The following CCDC88C variants were observed in gnomAD, a reference collection of about 807,000 sequenced individuals.
The protein encoded by CCDC88C is protein Daple.
A neutral mutation model predicts 198.8 loss-of-function variants in CCDC88C; 131 were observed. That is an observed-to-expected ratio of 0.66 (90% confidence interval 0.57 to 0.76). The LOEUF is 0.76. Ranked by LOEUF, CCDC88C falls within the 30% of genes least tolerant of loss-of-function variation. The pLI is 0.00. For synonymous variants in CCDC88C, 1,166 were observed against 1,114.7 expected (o/e 1.05, Z -0.92); for missense variants, 2,553 against 2,631.6 (o/e 0.97, Z 0.65).
Position 91,381,249 on chromosome 14 carries a change from C to T in CCDC88C, c.271-21538G>A, listed in dbSNP as rs1383197110. ...GCTTGTCCTCTGAAGGAGACTGTGACCCACCAGACCCCTCACACATGCCCG... is the reference window on the plus strand; with the variant it reads ...GCTTGTCCTCTGAAGGAGACTGTGATCCACCAGACCCCTCACACATGCCCG... On this transcript the variant is annotated intron_variant, in intron 3 of 29. Transcript: ENST00000389857. This position sits in a 1 kb window ranked among gnomAD's most constrained non-coding sequence, Gnocchi z 4.2. Among the ~76,000 whole-genome samples, 3 of 152,106 alleles carry T rather than the reference C, an allele frequency of 2.0e-5. No individual in the cohort carries two copies. The highest frequency in any genetic ancestry group is 2.0e-4 in the Admixed American group (3 of 15,270).
intron 21 of CCDC88C, among the ~76,000 whole-genome samples, chr14:91,298,072 C>T (rs1828958388): frequency 6.6e-6 from 1 of 152,196 alleles, no homozygotes; most frequent in Non-Finnish European, 1.5e-5. Flanking sequence ...AAGCTCATTA[C>T]CAGGGTCTTG....
rs575913430 is a variant in CCDC88C at position 91,278,282 on chromosome 14, C to T, written c.4769-71G>A. On this transcript the variant is annotated intron_variant, in intron 28 of 29. Transcript: ENST00000389857. Reference sequence around the variant, plus strand: ...GCCCTCTGGTGGCTTCTAGAGGCTTCGTGCTGCCTTTGCCCACTTCAAACT... The same window carrying T: ...GCCCTCTGGTGGCTTCTAGAGGCTTTGTGCTGCCTTTGCCCACTTCAAACT... The T allele has an allele frequency of 5.0e-4, 718 of 1,427,936 alleles. 10 individuals are homozygous for T. In the South Asian group the frequency reaches 7.1e-3, roughly 14 times the overall value. The allele number at this position is 1,427,936 out of a possible 1,614,324, so 88.5% of individuals were successfully genotyped here.
chr14:91,340,086 A>G (rs1273033651), intron 6 of CCDC88C, 62 bp from the exon 7 acceptor site: 1 of 1,577,048 alleles, frequency 6.3e-7, no homozygotes, highest in Non-Finnish European at 8.6e-7. Flanking sequence ...CTTCCCTCAC[A>G]CTGCAAACAG....
At chr14:91,277,861 T>C (rs1194470453) in intron 29 of CCDC88C, 61 bp downstream of exon 29, 51 of 1,442,254 alleles carry the variant, frequency 3.5e-5, no homozygotes, top group Non-Finnish European at 4.5e-5. Context: ...GCTATGATCT[T>C]GAGCCAGGAA....
intron 3 of CCDC88C, among the ~76,000 whole-genome samples, chr14:91,383,852 T>C (rs8008996): frequency 0.7 from 107,196 of 152,124 alleles, 38,287 homozygotes; most frequent in Non-Finnish European, 0.76. Flanking sequence ...TCTTTCTCAC[T>C]GTGAGGCAGA....
Position 91,303,820 on chromosome 14 carries a change from C to T in CCDC88C, c.3516G>A (p.Glu1172=). Residue 1172 remains glutamate, a synonymous_variant, in exon 20 of 30, where the codon GAG becomes GAA. Transcript: ENST00000389857. ...GCCGCTCGTGCAGCGTGCCCAGGTGCTCGTGGTCCTGCAGCAGGGCCTCGT... is the reference window on the plus strand; with the variant it reads ...GCCGCTCGTGCAGCGTGCCCAGGTGTTCGTGGTCCTGCAGCAGGGCCTCGT... The part of the protein sequence containing the change: ...AAYEALLQDH[E]HLGTLHERQS... The T allele has an allele frequency of 6.2e-7, 1 of 1,613,382 alleles. No homozygotes were observed. The highest frequency in any genetic ancestry group is 8.5e-7 in the Non-Finnish European group (1 of 1,179,906).
chr14:91,364,505 G>A (rs533814293), intron 3 of CCDC88C, among the ~76,000 whole-genome samples: 14 of 152,168 alleles, frequency 9.2e-5, no homozygotes, highest in African/African-American at 3.1e-4. Context: ...GGGGTTGGGG[G>A]AGAGCAAGGC....
chr14:91,398,471 C>T (rs1164999927), intron 3 of CCDC88C, among the ~76,000 whole-genome samples: 3 of 151,888 alleles, frequency 2.0e-5, no homozygotes, highest in Admixed American at 2.0e-4. Flanking sequence ...CTGGCCAACA[C>T]AGTGAGACCC....
intron 15 of CCDC88C, among the ~76,000 whole-genome samples, chr14:91,310,660 T>C (rs1020083886): frequency 6.6e-6 from 1 of 152,200 alleles, no homozygotes. Flanking sequence ...TCTTTCTACC[T>C]TGGTCTTCCA....
intron 21 of CCDC88C, among the ~76,000 whole-genome samples, chr14:91,298,392 G>A (rs1399938629): frequency 6.6e-6 from 1 of 152,038 alleles, no homozygotes; most frequent in Non-Finnish European, 1.5e-5. Context: ...AATGTTGCCG[G>A]GCATAGTGAC....
At chr14:91,377,352 C>T (rs1156545499) in intron 3 of CCDC88C, among the ~76,000 whole-genome samples, 2 of 152,186 alleles carry the variant, frequency 1.3e-5, no homozygotes, top group African/African-American at 2.4e-5. Flanking sequence ...AGAGCCGGAG[C>T]GATGGTGCTG....
At chr14:91,410,363 G>A (rs1306390430) in intron 2 of CCDC88C, among the ~76,000 whole-genome samples, 2 of 152,190 alleles carry the variant, frequency 1.3e-5, no homozygotes, top group Non-Finnish European at 2.9e-5. Flanking sequence ...GCCTCTTGGG[G>A]GTTAGTGTGG....
At chr14:91,401,642 A>G (rs1886212451) in intron 3 of CCDC88C, among the ~76,000 whole-genome samples, 1 of 152,068 alleles carries the variant, frequency 6.6e-6, no homozygotes, top group Admixed American at 6.6e-5. Context: ...GCCAGAAAAT[A>G]TTTTTATAAT....
chr14:91,274,926 C>T (rs1055854920), intron 29 of CCDC88C, among the ~76,000 whole-genome samples: 1 of 152,178 alleles, frequency 6.6e-6, no homozygotes, highest in Non-Finnish European at 1.5e-5. Context: ...CCACCAGGCT[C>T]CTCCCTGCAC....
At chr14:91,367,244 A>G (rs1894585780) in intron 3 of CCDC88C, among the ~76,000 whole-genome samples, 1 of 152,232 alleles carries the variant, frequency 6.6e-6, no homozygotes, top group South Asian at 2.1e-4. Flanking sequence ...GGGAAATCCC[A>G]GAAAAGTTAA....
intron 1 of CCDC88C, 54 bp from the exon 2 acceptor site, chr14:91,416,892 A>C: frequency 6.1e-6 from 8 of 1,313,396 alleles, no homozygotes; most frequent in South Asian, 1.2e-5. Flanking sequence ...GTGCGCACAA[A>C]CGGTCCAAAG....
At chr14:91,319,993 C>CA in intron 13 of CCDC88C, among the ~76,000 whole-genome samples, 1 of 128,002 alleles carries the variant, frequency 7.8e-6, no homozygotes, top group South Asian at 2.3e-4. Context: ...CATTGCACTC[C>CA]AGCCTGGGCA....
rs1179685333 is a variant in CCDC88C at position 91,303,904 on chromosome 14, C to G, written c.3432G>C (p.Thr1144=). The G allele has an allele frequency of 1.2e-6, 2 of 1,612,560 alleles. No individual in the cohort carries two copies. The highest frequency in any genetic ancestry group is 3.3e-5 in the Admixed American group (2 of 60,016). ...AQYTLLQNHH[T]AKETENESLQ... ...GGCTTTCGTTCTCCGTCTCCTTGGC[C>G]GTGTGGTGGTTCTGCAGCAGCGTGT... Residue 1144 remains threonine (T), a synonymous_variant, in exon 20 of 30, where the codon ACG becomes ACC. Transcript: ENST00000389857.
At chr14:91,274,588 C>T (rs1040241155) in intron 29 of CCDC88C, among the ~76,000 whole-genome samples, 1 of 152,176 alleles carries the variant, frequency 6.6e-6, no homozygotes, top group Non-Finnish European at 1.5e-5. Flanking sequence ...CAACTCCTGT[C>T]CCACACAAAC....
Sources: gnomAD v4.1 joint callset for allele counts (sites outside exome capture counted in the v4.1 genomes callset) on GRCh38, gnomAD v4.1.1 for gene constraint, Gnocchi (gnomAD v3.1) non-coding constraint, MANE v1.5 for transcripts, NCBI Gene and HGNC (gene_info 2026-07-23, HGNC 2026-07-21) for gene names.